Variants in DRC11 observed in about 807,000 individuals in gnomAD.
The protein encoded by DRC11 is dynein regulatory complex subunit 11.
At chr2:236,507,209 G>A in the DRC11 span, 2 of 1,605,040 alleles carry the variant, frequency 1.2e-6, no homozygotes, top group Non-Finnish European at 1.7e-6. Flanking sequence ...CCACCTTCTG[G>A]CTTGGGGAAG....
chr2:236,389,180 T>C, the DRC11 span, among the ~76,000 whole-genome samples: 1 of 152,228 alleles, frequency 6.6e-6, no homozygotes, highest in Non-Finnish European at 1.5e-5. Context: ...TGAGCTGTGG[T>C]GGGCTCCACC....
the DRC11 span, chr2:236,380,657 A>G: frequency 6.6e-7 from 1 of 1,524,512 alleles, no homozygotes; most frequent in Non-Finnish European, 8.9e-7. The surrounding 1 kb of genome is among the most constrained non-coding windows in gnomAD (Gnocchi z 4.9). Context: ...AAAGGAAATA[A>G]CCAACAATTT....
At chr2:236,495,140 C>T in the DRC11 span, among the ~76,000 whole-genome samples, 5 of 151,990 alleles carry the variant, frequency 3.3e-5, no homozygotes, top group Admixed American at 6.6e-5. The surrounding 1 kb of genome is among the most constrained non-coding windows in gnomAD (Gnocchi z 5.6). Context: ...GTCAGGAGTT[C>T]GAGACCAGCC....
the DRC11 span, among the ~76,000 whole-genome samples, chr2:236,427,112 G>A: frequency 3.3e-5 from 5 of 152,114 alleles, no homozygotes; most frequent in African/African-American, 9.7e-5. This position sits in a 1 kb window ranked among gnomAD's most constrained non-coding sequence, Gnocchi z 5.9. Context: ...CCACTCTTGC[G>A]TCCCAAGGAT....
chr2:236,320,617 CCTA>C, the DRC11 span, among the ~76,000 whole-genome samples: 1 of 152,154 alleles, frequency 6.6e-6, no homozygotes, highest in Non-Finnish European at 1.5e-5. Flanking sequence ...CCTACTTATT[CCTA>C]CATGCAGAGC....
chr2:236,500,828 G>A, the DRC11 span, among the ~76,000 whole-genome samples: 4 of 151,950 alleles, frequency 2.6e-5, no homozygotes, highest in African/African-American at 7.3e-5. This position sits in a 1 kb window ranked among gnomAD's most constrained non-coding sequence, Gnocchi z 6.3. Flanking sequence ...TCAGCCTCCC[G>A]AGTAGCTGGG....
the DRC11 span, among the ~76,000 whole-genome samples, chr2:236,481,053 T>C: frequency 6.6e-6 from 1 of 152,232 alleles, no homozygotes; most frequent in Non-Finnish European, 1.5e-5. Context: ...GCAGGAAGGC[T>C]GGCTAGTGGT....
chr2:236,308,795 AAT>A, the DRC11 span, among the ~76,000 whole-genome samples: 1 of 152,202 alleles, frequency 6.6e-6, no homozygotes, highest in Admixed American at 6.5e-5. This position sits in a 1 kb window ranked among gnomAD's most constrained non-coding sequence, Gnocchi z 6.0. Context: ...GACTATTGTG[AAT>A]AGTGCTGCAG....
chr2:236,495,494 G>A, the DRC11 span, among the ~76,000 whole-genome samples: 1 of 152,180 alleles, frequency 6.6e-6, no homozygotes, highest in Non-Finnish European at 1.5e-5. The surrounding 1 kb of genome is among the most constrained non-coding windows in gnomAD (Gnocchi z 5.6). Context: ...TCCCTATGGA[G>A]TGGAATCTAG....
the DRC11 span, among the ~76,000 whole-genome samples, chr2:236,498,522 G>C: frequency 6.6e-6 from 1 of 151,762 alleles, no homozygotes; most frequent in African/African-American, 2.4e-5. Flanking sequence ...TGAGCTCTCT[G>C]GAATGCACCA....
At chr2:236,470,230 C>G in the DRC11 span, among the ~76,000 whole-genome samples, 94 of 152,272 alleles carry the variant, frequency 6.2e-4, no homozygotes, top group African/African-American at 2.2e-3. This position sits in a 1 kb window ranked among gnomAD's most constrained non-coding sequence, Gnocchi z 5.1. Flanking sequence ...TTATCAGCTG[C>G]AAATATACTT....
chr2:236,458,594 C>T, the DRC11 span, among the ~76,000 whole-genome samples: 1 of 152,212 alleles, frequency 6.6e-6, no homozygotes, highest in African/African-American at 2.4e-5. Flanking sequence ...GGCATCACCT[C>T]ATTTGACCCC....
At chr2:236,505,478 A>G in the DRC11 span, among the ~76,000 whole-genome samples, 2 of 151,746 alleles carry the variant, frequency 1.3e-5, no homozygotes, top group African/African-American at 2.4e-5. Context: ...GGCTCCTGTT[A>G]CCCCCAGAGC....
the DRC11 span, chr2:236,324,682 T>C: frequency 6.6e-7 from 1 of 1,512,882 alleles, no homozygotes; most frequent in Admixed American, 1.9e-5. The surrounding 1 kb of genome is among the most constrained non-coding windows in gnomAD (Gnocchi z 5.7). Context: ...CCTTTTTCTC[T>C]TTCTTTTATT....
chr2:236,459,530 T>TGTATAC, the DRC11 span, among the ~76,000 whole-genome samples: 6,153 of 107,606 alleles, frequency 0.057, 333 homozygotes, highest in Non-Finnish European at 0.083. Context: ...TGTATACATG[T>TGTATAC]ATACGTATAC....
At chr2:236,308,011 G>A in the DRC11 span, among the ~76,000 whole-genome samples, 12 of 151,168 alleles carry the variant, frequency 7.9e-5, no homozygotes, top group East Asian at 1.7e-3. This position sits in a 1 kb window ranked among gnomAD's most constrained non-coding sequence, Gnocchi z 6.0. Context: ...TGACGCAGGC[G>A]TCCTCGTGTG....
chr2:236,370,387 G>A, the DRC11 span, among the ~76,000 whole-genome samples: 25,081 of 152,180 alleles, frequency 0.16, 2,207 homozygotes, highest in Admixed American at 0.21. The surrounding 1 kb of genome is among the most constrained non-coding windows in gnomAD (Gnocchi z 5.5). Flanking sequence ...AGTAAGTAAA[G>A]GCCTGGCATC....
At chr2:236,461,788 C>A in the DRC11 span, among the ~76,000 whole-genome samples, 1 of 152,298 alleles carries the variant, frequency 6.6e-6, no homozygotes, top group South Asian at 2.1e-4. This position sits in a 1 kb window ranked among gnomAD's most constrained non-coding sequence, Gnocchi z 4.0. Context: ...GCTTACACAG[C>A]TATTTTGTGG....
chr2:236,495,141 G>A, the DRC11 span, among the ~76,000 whole-genome samples: 5 of 152,064 alleles, frequency 3.3e-5, no homozygotes, highest in East Asian at 1.9e-4. This position sits in a 1 kb window ranked among gnomAD's most constrained non-coding sequence, Gnocchi z 5.6. Context: ...TCAGGAGTTC[G>A]AGACCAGCCT....
Sources: gnomAD v4.1 joint callset for allele counts (sites outside exome capture counted in the v4.1 genomes callset) on GRCh38, gnomAD v4.1.1 for gene constraint, Gnocchi (gnomAD v3.1) non-coding constraint, MANE v1.5 for transcripts, NCBI Gene and HGNC (gene_info 2026-07-23, HGNC 2026-07-21) for gene names.